Variants in ARVCF observed in about 807,000 individuals in gnomAD.
The protein encoded by ARVCF is splicing regulator ARVCF.
A neutral mutation model predicts 90.9 loss-of-function variants in ARVCF; 66 were observed. That is an observed-to-expected ratio of 0.73 (90% CI 0.60 to 0.89). The LOEUF (loss-of-function observed/expected upper bound fraction) is 0.89. Among genes scored for constraint, ARVCF ranks in the 40% least tolerant of loss-of-function variants. The pLI, the probability that ARVCF is intolerant of heterozygous loss-of-function variation, is 0.00. For missense variants in ARVCF, 1,469 were observed against 1,382.3 expected (o/e 1.06, Z -1.00); for synonymous variants, 653 against 603.4 (o/e 1.08, Z -1.21).
chr22:20,004,687 T>A (rs971920806), intron 2 of ARVCF, among the ~76,000 whole-genome samples: 1 of 152,090 alleles, frequency 6.6e-6, no homozygotes, highest in South Asian at 2.1e-4. Flanking sequence ...GGTATTAGCA[T>A]AAGGACAGAC....
At position 19,981,537 on chromosome 22, in the gene ARVCF, G is replaced by A. The variant is rs376535935; in HGVS notation, c.570C>T (p.Pro190=). Reference sequence around the variant, plus strand: ...GGCTGTCCCGGGGCTCGGGGCCTTCGGGAAAGCCACCCCCACTGCTGAGGT... The same window carrying A: ...GGCTGTCCCGGGGCTCGGGGCCTTCAGGAAAGCCACCCCCACTGCTGAGGT... The part of the protein sequence containing the change: ...RAYLSSGGGF[P]EGPEPRDSPS... Residue 190 remains proline (P), a synonymous_variant, in exon 5 of 20, where the codon CCC becomes CCT. Transcript: ENST00000263207. 72 of 1,582,850 alleles carry A rather than the reference G, an allele frequency of 4.5e-5. No homozygotes were observed. Among genetic ancestry groups the A allele is most frequent in the Non-Finnish European group, 5.4e-5 (63 of 1,165,992 alleles).
chr22:19,972,238 C>T, intron 17 of ARVCF, 120 bp downstream of exon 17: 1 of 1,405,286 alleles, frequency 7.1e-7, no homozygotes, highest in Non-Finnish European at 9.9e-7. Flanking sequence ...TCTAAGCACC[C>T]CTAAACCAAA....
At chr22:20,014,451 TC>T (rs1419814272) in intron 1 of ARVCF, among the ~76,000 whole-genome samples, 2 of 152,254 alleles carry the variant, frequency 1.3e-5, no homozygotes, top group Non-Finnish European at 2.9e-5. Flanking sequence ...TGCCTTGGCC[TC>T]CCAAAGTGTT....
At chr22:20,008,782 G>A (rs1569197043) in intron 2 of ARVCF, among the ~76,000 whole-genome samples, 1 of 152,182 alleles carries the variant, frequency 6.6e-6, no homozygotes, top group Non-Finnish European at 1.5e-5. Flanking sequence ...CCAGTGCCCA[G>A]GGCAGACATG....
intron 2 of ARVCF, among the ~76,000 whole-genome samples, chr22:19,991,344 C>T (rs934351311): frequency 6.6e-5 from 10 of 152,332 alleles, no homozygotes; most frequent in Non-Finnish European, 7.3e-5. Context: ...CCGAGGCAGG[C>T]GCAGGTGACC....
chr22:19,972,483 G>A (rs1244762732), intron 16 of ARVCF, 72 bp from the exon 17 acceptor site: 20 of 1,579,984 alleles, frequency 1.3e-5, no homozygotes, highest in Non-Finnish European at 1.6e-5. Flanking sequence ...GCCCACACAG[G>A]GCTGGCCCAG....
At chr22:19,997,654 T>G (rs1460277486) in intron 2 of ARVCF, among the ~76,000 whole-genome samples, 1 of 152,224 alleles carries the variant, frequency 6.6e-6, no homozygotes, top group Non-Finnish European at 1.5e-5. Context: ...TGCTGCATCC[T>G]GCCCAGGGCA....
chr22:19,971,089 G>C, intron 19 of ARVCF, 127 bp downstream of exon 19: 1 of 1,478,500 alleles, frequency 6.8e-7, no homozygotes, highest in Non-Finnish European at 9.2e-7. Context: ...TGGGCTGCTG[G>C]ACTGGAGGCC....
intron 2 of ARVCF, among the ~76,000 whole-genome samples, chr22:20,005,697 G>A (rs772445719): frequency 2.0e-5 from 3 of 151,796 alleles, no homozygotes; most frequent in Non-Finnish European, 4.4e-5. Context: ...ACAGGCGCCT[G>A]TAGTCCCAGC....
chr22:19,979,728 C>T lies in ARVCF; in HGVS notation c.1396+15G>A, dbSNP rs1263089461. 2 of 1,583,664 alleles carry T rather than the reference C, an allele frequency of 1.3e-6. No homozygotes were observed. The highest frequency in any genetic ancestry group is 1.3e-5 in the African/African-American group (1 of 74,372). On this transcript the variant is annotated intron_variant, in intron 6 of 19. Coordinates refer to ENST00000263207, the MANE Select transcript of ARVCF (RefSeq NM_001670.3). ...CTCTTCCCAGGGGATGTGAGCATGG[C>T]CAGGTCCCACTCACCAGTGACAAGC...
intron 11 of ARVCF, among the ~76,000 whole-genome samples, chr22:19,975,247 C>T (rs905085240): frequency 3.9e-5 from 6 of 152,194 alleles, no homozygotes; most frequent in Non-Finnish European, 5.9e-5. Context: ...GCATACAGCC[C>T]AATAGGCACT....
chr22:19,969,545 C>G (rs1420216778), downstream of ARVCF: 2 of 152,404 alleles, frequency 1.3e-5, no homozygotes, highest in Non-Finnish European at 2.9e-5. Context: ...AGGGGTCAGA[C>G]TGCTAGCCAC....
intron 5 of ARVCF, chr22:19,980,574 G>A: frequency 3.3e-6 from 1 of 301,768 alleles, no homozygotes; most frequent in South Asian, 1.3e-4. Flanking sequence ...ATGGCTGCTG[G>A]AGAGACCGTC....
downstream of ARVCF, chr22:19,968,695 A>G (rs1233424008): frequency 6.2e-7 from 1 of 1,613,490 alleles, no homozygotes; most frequent in Non-Finnish European, 8.5e-7. Flanking sequence ...CGGCCTGGAG[A>G]AGGCCATCTA....
At chr22:19,997,209 A>AG (rs1425952377) in intron 2 of ARVCF, among the ~76,000 whole-genome samples, 2 of 152,156 alleles carry the variant, frequency 1.3e-5, no homozygotes, top group African/African-American at 4.8e-5. Flanking sequence ...GGGAAGCCTA[A>AG]GGTTAGGGCA....
intron 9 of ARVCF, 137 bp downstream of exon 9, chr22:19,977,278 G>A (rs1943208892): frequency 8.2e-7 from 1 of 1,224,150 alleles, no homozygotes; most frequent in East Asian, 2.7e-5. Context: ...CTTGACTCCT[G>A]GCTTCCCTGC....
At chr22:20,015,936 C>T (rs901924450) in intron 1 of ARVCF, among the ~76,000 whole-genome samples, 1 of 148,222 alleles carries the variant, frequency 6.7e-6, no homozygotes, top group Non-Finnish European at 1.5e-5. Context: ...TCTCAGGCCA[C>T]CTGCCCAGGG....
At chr22:19,976,671 GC>G (rs1478042233) in intron 10 of ARVCF, 34 bp downstream of exon 10, 1 of 1,552,740 alleles carries the variant, frequency 6.4e-7, no homozygotes, top group East Asian at 2.4e-5. Context: ...CACTGCACAC[GC>G]CAGGCCTGGA....
chr22:19,966,972 A>G (rs1942434366), downstream of ARVCF: 2 of 985,388 alleles, frequency 2.0e-6, no homozygotes, highest in Middle Eastern at 5.2e-4. Flanking sequence ...ACGCTGATGC[A>G]TGTTTAGCCA....
Sources: gnomAD v4.1 joint callset for allele counts (sites outside exome capture counted in the v4.1 genomes callset) on GRCh38, gnomAD v4.1.1 for gene constraint, MANE v1.5 for transcripts, NCBI Gene and HGNC (gene_info 2026-07-23, HGNC 2026-07-21) for gene names.